RYR2: variants seen among roughly 807,000 people sequenced by gnomAD.
The protein encoded by RYR2 is cardiac muscle ryanodine receptor-calcium release channel.
RYR2 carries 227 observed loss-of-function variants against 601.1 expected under a neutral mutation model. That is an observed-to-expected ratio of 0.38 (90% CI 0.34 to 0.42). The LOEUF (loss-of-function observed/expected upper bound fraction) is 0.42. Ranked by LOEUF, RYR2 falls within the 10% of genes least tolerant of loss-of-function variation. The pLI is 1.00. For synonymous variants in RYR2, 2,223 were observed against 2,175.1 expected (o/e 1.02, Z -0.61); for missense variants, 4,646 against 6,156.5 (o/e 0.75, Z 8.21).
At chr1:237,404,916 A>G (rs1703718813) in intron 10 of RYR2, among the ~76,000 whole-genome samples, 1 of 152,206 alleles carries the variant, frequency 6.6e-6, no homozygotes, top group Non-Finnish European at 1.5e-5. Flanking sequence ...TAAGGCCTTC[A>G]GTCATAAAAC....
intron 1 of RYR2, among the ~76,000 whole-genome samples, chr1:237,150,028 A>G (rs554793206): frequency 1.3e-5 from 2 of 152,372 alleles, no homozygotes; most frequent in East Asian, 3.9e-4. Flanking sequence ...AAAGCAAGCA[A>G]CATTTACTGA....
At chr1:237,420,799 G>T (rs1481731019) in intron 11 of RYR2, among the ~76,000 whole-genome samples, 1 of 152,166 alleles carries the variant, frequency 6.6e-6, no homozygotes, top group East Asian at 1.9e-4. Context: ...GAAAATGAAG[G>T]TGTGTTCCAT....
intron 1 of RYR2, among the ~76,000 whole-genome samples, chr1:237,082,732 A>G (rs1451676861): frequency 6.6e-6 from 1 of 151,716 alleles, no homozygotes; most frequent in African/African-American, 2.4e-5. Flanking sequence ...AACAAGTGTT[A>G]AATTGGACCC....
chr1:237,691,473 T>C, intron 63 of RYR2, among the ~76,000 whole-genome samples: 1 of 152,210 alleles, frequency 6.6e-6, no homozygotes, highest in East Asian at 1.9e-4. Context: ...TCGCCTGTGG[T>C]TGAAATATTT....
intron 99 of RYR2, among the ~76,000 whole-genome samples, chr1:237,808,458 C>T (rs1029635908): frequency 3.3e-5 from 5 of 151,842 alleles, no homozygotes; most frequent in African/African-American, 4.8e-5. Flanking sequence ...GTCGGGAGTT[C>T]GAGACCAGCC....
At chr1:237,096,486 AG>A (rs1010548827) in intron 1 of RYR2, among the ~76,000 whole-genome samples, 1 of 152,238 alleles carries the variant, frequency 6.6e-6, no homozygotes, top group Non-Finnish European at 1.5e-5. Context: ...TTGAGTACAC[AG>A]GACCACACTG....
chr1:237,090,838 G>T (rs989580940), intron 1 of RYR2, among the ~76,000 whole-genome samples: 3 of 152,168 alleles, frequency 2.0e-5, no homozygotes, highest in African/African-American at 7.2e-5. Context: ...CAAGAGGAAG[G>T]CTCTGTTTTG....
chr1:237,650,259 C>T (rs141011439), intron 50 of RYR2, among the ~76,000 whole-genome samples, 162 bp downstream of exon 50: 35 of 152,244 alleles, frequency 2.3e-4, no homozygotes, highest in Non-Finnish European at 4.4e-4. Context: ...TCTCTGATCG[C>T]CCTTGCTCCC....
chr1:237,656,786 A>G (rs1056334086), intron 53 of RYR2, among the ~76,000 whole-genome samples: 17 of 152,184 alleles, frequency 1.1e-4, no homozygotes, highest in Non-Finnish European at 2.2e-4. Context: ...ACCAGATCAG[A>G]ATTTCAACCT....
intron 1 of RYR2, among the ~76,000 whole-genome samples, chr1:237,157,423 A>T (rs1032969525): frequency 6.6e-6 from 1 of 152,156 alleles, no homozygotes; most frequent in Non-Finnish European, 1.5e-5. Flanking sequence ...TATATCTAAG[A>T]TATCTGCACT....
chr1:237,633,479 A>G (rs907629193), intron 42 of RYR2, 99 bp from the exon 43 acceptor site: 89 of 1,416,528 alleles, frequency 6.3e-5, no homozygotes, highest in Non-Finnish European at 8.3e-5. Context: ...ACACACATGG[A>G]CACACGGGGA....
chr1:237,605,229 A>C lies in RYR2; in HGVS notation c.4683+3118A>C, dbSNP rs374583403. ...CATCAAAAAGCTTATCCACCATGAT[A>C]AAGTGGGCTTCATCCCTGGGATGCA... On this transcript the variant is annotated intron_variant, in intron 35 of 104. Coordinates refer to ENST00000366574, the MANE Select transcript of RYR2 (RefSeq NM_001035.3). Among the ~76,000 whole-genome samples, 69 of 152,254 alleles carry C rather than the reference A, an allele frequency of 4.5e-4. 1 individual carries two copies. The East Asian group carries it at 4.8e-3, about 11-fold the overall frequency.
intron 1 of RYR2, among the ~76,000 whole-genome samples, chr1:237,045,216 C>G (rs1323248596): frequency 1.3e-5 from 2 of 152,146 alleles, no homozygotes; most frequent in Non-Finnish European, 2.9e-5. Context: ...ATTGAGGCAT[C>G]TTTTTGACCA....
At chr1:237,616,242 T>C (rs1246606951) in intron 37 of RYR2, among the ~76,000 whole-genome samples, 1 of 152,230 alleles carries the variant, frequency 6.6e-6, no homozygotes, top group Non-Finnish European at 1.5e-5. Flanking sequence ...TTTGACACTG[T>C]CATGTATTTA....
At chr1:237,190,266 G>A (rs1679833257) in intron 1 of RYR2, among the ~76,000 whole-genome samples, 1 of 152,110 alleles carries the variant, frequency 6.6e-6, no homozygotes. Context: ...CTGCAGCCTT[G>A]CCAACACTTG....
chr1:237,526,409 G>A (rs1178622287), intron 24 of RYR2, among the ~76,000 whole-genome samples: 1 of 151,492 alleles, frequency 6.6e-6, no homozygotes, highest in Non-Finnish European at 1.5e-5. Context: ...GTGCAGTGGT[G>A]GATCATAGGT....
intron 86 of RYR2, among the ~76,000 whole-genome samples, chr1:237,772,872 A>G (rs909535703): frequency 6.6e-6 from 1 of 152,182 alleles, no homozygotes; most frequent in Admixed American, 6.5e-5. Flanking sequence ...AAATTGTCTG[A>G]AAACCCAAAT....
At chr1:237,242,652 G>A (rs2149240551) in intron 1 of RYR2, among the ~76,000 whole-genome samples, 1 of 152,192 alleles carries the variant, frequency 6.6e-6, no homozygotes, top group East Asian at 1.9e-4. Flanking sequence ...AAGGGCTTGA[G>A]AAAATATATA....
chr1:237,054,738 T>C (rs997129246), intron 1 of RYR2, among the ~76,000 whole-genome samples: 2 of 152,196 alleles, frequency 1.3e-5, no homozygotes, highest in African/African-American at 2.4e-5. Context: ...GTTTGAGTCG[T>C]ATTTTTACTT....
Sources: gnomAD v4.1 joint callset for allele counts (sites outside exome capture counted in the v4.1 genomes callset) on GRCh38, gnomAD v4.1.1 for gene constraint, MANE v1.5 for transcripts, NCBI Gene and HGNC (gene_info 2026-07-23, HGNC 2026-07-21) for gene names.